Variants in C4orf50 observed in about 807,000 individuals in gnomAD.
C4orf50 encodes uncharacterized protein C4orf50.
C4orf50 carries 80 observed loss-of-function variants against 77.2 expected under a neutral mutation model. The ratio of observed to expected loss-of-function variants is 1.04; its 90% confidence interval spans 0.87 to 1.25. The LOEUF is 1.25. Among genes scored for constraint, C4orf50 ranks in the 50% most tolerant of loss-of-function variants. The probability of loss-of-function intolerance (pLI) is 0.00; values close to 1 mark genes in which losing one functional copy is unlikely to be tolerated. For synonymous variants in C4orf50, 532 were observed against 465.3 expected, an observed-to-expected ratio of 1.14 and a Z score of -1.84; for missense variants, 1,257 against 1,152.9, an observed-to-expected ratio of 1.09 and a Z score of -1.31.
chr4:6,003,860 G>GATGGTGATGATGGTGA, intron 25 of C4orf50, among the ~76,000 whole-genome samples: 1 of 57,562 alleles, frequency 1.7e-5, no homozygotes, highest in South Asian at 8.0e-4. Flanking sequence ...GGTGATGATG[G>GATGGTGATGATGGTGA]TGATGGTGAT....
chr4:5,984,754 A>T (rs1033445864), intron 28 of C4orf50, among the ~76,000 whole-genome samples: 1 of 152,114 alleles, frequency 6.6e-6, no homozygotes, highest in African/African-American at 2.4e-5. Flanking sequence ...GAAGGAGAGG[A>T]AAGAAAAATA....
rs1429953842 is a variant in C4orf50 at position 6,009,279 on chromosome 4, C to A, written c.427-747G>T. Among the ~76,000 whole-genome samples the A allele has an allele frequency of 6.6e-6, 1 of 152,216 alleles. No homozygotes were observed. Among genetic ancestry groups the A allele is most frequent in the African/African-American group, 2.4e-5 (1 of 41,448 alleles). Reference sequence around the variant, plus strand: ...CACAACCCACTGCGAAAATTAGAGCCGTTGCCTACTTTTCAGAATTAATTC... The same window carrying A: ...CACAACCCACTGCGAAAATTAGAGCAGTTGCCTACTTTTCAGAATTAATTC... On this transcript the variant is annotated intron_variant, in intron 24 of 33. Coordinates refer to ENST00000531445, the Ensembl canonical transcript of C4orf50. This position sits in a 1 kb window ranked among gnomAD's most constrained non-coding sequence, Gnocchi z 5.6.
intron 24 of C4orf50, among the ~76,000 whole-genome samples, chr4:6,010,671 G>A (rs542336273): frequency 6.6e-6 from 1 of 152,270 alleles, no homozygotes; most frequent in African/African-American, 2.4e-5. Context: ...AAAATCCCTG[G>A]CTGCATCCTA....
At chr4:5,907,224 G>A (rs1322798894) in intron 7 of C4orf50, among the ~76,000 whole-genome samples, 1 of 152,190 alleles carries the variant, frequency 6.6e-6, no homozygotes, top group African/African-American at 2.4e-5. Flanking sequence ...CATTATACAT[G>A]ATAACATATA....
At chr4:5,978,642 T>C (rs971013754) in intron 29 of C4orf50, among the ~76,000 whole-genome samples, 1 of 152,254 alleles carries the variant, frequency 6.6e-6, no homozygotes, top group African/African-American at 2.4e-5. Flanking sequence ...CATTTATTGT[T>C]GGTGGCATGG....
intron 7 of C4orf50, among the ~76,000 whole-genome samples, chr4:5,944,522 T>G (rs1364803576): frequency 6.6e-6 from 1 of 151,834 alleles, no homozygotes; most frequent in Non-Finnish European, 1.5e-5. Flanking sequence ...TGGTCCAGAG[T>G]CACATGGCCC....
At position 5,908,778 on chromosome 4, in the gene C4orf50, G is replaced by A. The variant is rs564338350; in HGVS notation, c.*2475-10590C>T. Among the ~76,000 whole-genome samples the A allele has an allele frequency of 1.2e-4, 19 of 152,250 alleles. No homozygotes were observed. Among genetic ancestry groups the A allele is most frequent in the African/African-American group, 4.1e-4 (17 of 41,544 alleles). ...TGCAGCCTTCAGTGGGGATGCACAG[G>A]GGATGTGGGAAGGTCATACTTGGGG... On this transcript the variant is annotated intron_variant, in intron 7 of 7. Coordinates refer to the C4orf50 transcript ENST00000324058. The surrounding 1 kb of genome is among the most constrained non-coding windows in gnomAD (Gnocchi z 5.6).
In C4orf50 at chr4:5,908,747, A is replaced by G. The variant is rs1716663607; in HGVS notation, c.*2475-10559T>C. ...CTTGACACCATTCACCTAGCTCCCA[A>G]GGTCATGCAGCCTTCAGTGGGGATG... On this transcript the variant is annotated intron_variant, in intron 7 of 7. Coordinates refer to the C4orf50 transcript ENST00000324058. This position sits in a 1 kb window ranked among gnomAD's most constrained non-coding sequence, Gnocchi z 5.6. Among the ~76,000 whole-genome samples, 1 of 152,158 alleles carries G rather than the reference A, an allele frequency of 6.6e-6. No homozygotes were observed. The highest frequency in any genetic ancestry group is 2.1e-4 in the South Asian group (1 of 4,822).
At chr4:5,975,662 G>A (rs1465219936) in intron 30 of C4orf50, among the ~76,000 whole-genome samples, 1 of 152,002 alleles carries the variant, frequency 6.6e-6, no homozygotes, top group African/African-American at 2.4e-5. Flanking sequence ...ATAGACGCAT[G>A]CCATCACGCC....
At chr4:5,956,636 TCTC>T (rs113875825), downstream of C4orf50, 43,577 of 152,068 alleles carry the variant, frequency 0.29, 6,530 homozygotes, top group Non-Finnish European at 0.32. Flanking sequence ...AAGCCAACCC[TCTC>T]CTCTGATTTG....
chr4:5,912,418 C>T (rs1716848788), intron 7 of C4orf50, among the ~76,000 whole-genome samples: 2 of 152,100 alleles, frequency 1.3e-5, no homozygotes, highest in South Asian at 4.2e-4. Flanking sequence ...ATAACTGCAG[C>T]AGATAGGCCT....
At chr4:5,971,177 C>A (rs1168930869) in intron 31 of C4orf50, among the ~76,000 whole-genome samples, 1 of 152,226 alleles carries the variant, frequency 6.6e-6, no homozygotes, top group Non-Finnish European at 1.5e-5. Context: ...GTCTCCCCAG[C>A]CATCCTGGCA....
chr4:5,912,252 C>T (rs1183170286), intron 7 of C4orf50, among the ~76,000 whole-genome samples: 1 of 113,264 alleles, frequency 8.8e-6, no homozygotes, highest in Non-Finnish European at 1.8e-5. Flanking sequence ...TCTAGCACTC[C>T]ACTCGTGTGT....
chr4:6,003,631 C>T (rs111203605), intron 25 of C4orf50, among the ~76,000 whole-genome samples: 56,142 of 118,192 alleles, frequency 0.48, 12,167 homozygotes, highest in East Asian at 0.85. Context: ...GTGGTGATGA[C>T]GGTGATGATG....
In C4orf50 at chr4:5,901,759, C is replaced by T. The variant is rs549389071; in HGVS notation, c.*2475-3571G>A. 2.0e-5 allele frequency: 3 copies of T among 152,280 alleles called. No individual in the cohort carries two copies. The highest frequency in any genetic ancestry group is 4.4e-5 in the Non-Finnish European group (3 of 68,134). The allele number at this position is 152,280 out of a possible 1,614,324, so 9.4% of individuals were successfully genotyped here. ...CCCTGGAAATGACTGAGGGGATAAC[C>T]GAAGCAGCACAGGCTGGCAGGATCA... On this transcript the variant is annotated intron_variant, in intron 7 of 7. Coordinates refer to the C4orf50 transcript ENST00000324058. This position sits in a 1 kb window ranked among gnomAD's most constrained non-coding sequence, Gnocchi z 4.4.
chr4:5,932,678 G>C lies in C4orf50; in HGVS notation c.*2474+24223C>G, dbSNP rs1195686390. On this transcript the variant is annotated intron_variant, in intron 7 of 7. Coordinates refer to the C4orf50 transcript ENST00000324058. This position sits in a 1 kb window ranked among gnomAD's most constrained non-coding sequence, Gnocchi z 4.2. Reference sequence around the variant, plus strand: ...GCTGGTCTTGAACTCTTGGGCTCAGGCAATTCTCTTACCTCAGCCTCCCAA... The same window carrying C: ...GCTGGTCTTGAACTCTTGGGCTCAGCCAATTCTCTTACCTCAGCCTCCCAA... Among the ~76,000 whole-genome samples, 2 of 152,106 alleles carry C rather than the reference G, an allele frequency of 1.3e-5. No homozygotes were observed. The highest frequency in any genetic ancestry group is 4.8e-5 in the African/African-American group (2 of 41,408).
exon 28 of C4orf50, chr4:5,988,428 T>C (rs756986635): frequency 2.5e-6 from 4 of 1,607,782 alleles, no homozygotes; most frequent in African/African-American, 2.7e-5. Context: ...TCTCCAAATG[T>C]GCTTCTTTCA....
At position 5,970,363 on chromosome 4, in the gene C4orf50, A is replaced by C. The variant is rs912185405; in HGVS notation, c.4105-2901T>G. ...GGGAGGCGGCAAGACCCGTGTTCCC[A>C]GCAGAAGGAAAAGTGACCTCTGCCA... is the stretch of plus-strand genomic sequence containing the variant. On this transcript the variant is annotated intron_variant, in intron 31 of 33. Coordinates refer to ENST00000531445, the Ensembl canonical transcript of C4orf50. The surrounding 1 kb of genome is among the most constrained non-coding windows in gnomAD (Gnocchi z 4.3). Among the ~76,000 whole-genome samples the C allele has an allele frequency of 4.6e-5, 7 of 152,190 alleles. No homozygotes were observed. Among genetic ancestry groups the C allele is most frequent in the Non-Finnish European group, 1.0e-4 (7 of 68,040 alleles).
rs756830245 is a variant in C4orf50 at position 6,007,606 on chromosome 4, G to A, written c.963+390C>T. 1.3e-5 allele frequency among the ~76,000 whole-genome samples: 2 copies of A among 152,176 alleles called. No homozygotes were observed. Among genetic ancestry groups the A allele is most frequent in the Non-Finnish European group, 2.9e-5 (2 of 68,034 alleles). On this transcript the variant is annotated intron_variant, in intron 25 of 33. Coordinates refer to ENST00000531445, the Ensembl canonical transcript of C4orf50. The surrounding 1 kb of genome is among the most constrained non-coding windows in gnomAD (Gnocchi z 4.1). The stretch of plus-strand genomic sequence containing the variant: ...ACAGATTTCAACAATGGGAAAACAA[G>A]TGGTTTAGTAAGTGGGCTCATAAGT...
Sources: allele counts gnomAD v4.1 joint callset (sites outside exome capture counted in the v4.1 genomes callset), GRCh38; gene constraint gnomAD v4.1.1; non-coding constraint Gnocchi (gnomAD v3.1); transcripts MANE v1.5; gene names NCBI Gene and HGNC (gene_info 2026-07-23, HGNC 2026-07-21).